C1orf35: variants seen among roughly 807,000 people sequenced by gnomAD.
C1orf35 encodes chromosome 1 open reading frame 35.
C1orf35 carries 36 observed loss-of-function variants against 30.9 expected under a neutral mutation model. The ratio of observed to expected loss-of-function variants is 1.16; its 90% CI spans 0.89 to 1.54. The LOEUF (loss-of-function observed/expected upper bound fraction) is 1.54, where lower values mean the gene tolerates loss of function less well. Ranked by LOEUF, C1orf35 falls within the 40% of genes most tolerant of loss-of-function variation. C1orf35 has a pLI of 0.00. For missense variants in C1orf35, 396 were observed against 358.7 expected, an observed-to-expected ratio of 1.10 and a Z score of -0.84; for synonymous variants, 179 against 148.2, an observed-to-expected ratio of 1.21 and a Z score of -1.51.
At chr1:228,102,854 C>G (rs1383702793) in intron 2 of C1orf35, 45 bp downstream of exon 2, 6 of 1,377,310 alleles carry the variant, frequency 4.4e-6, no homozygotes, top group Middle Eastern at 5.4e-4. Flanking sequence ...CCTGCCCCGG[C>G]AGCGCCGTCC....
At chr1:228,102,058 A>T (rs768806967) in intron 6 of C1orf35, 22 bp downstream of exon 6, 4 of 1,519,154 alleles carry the variant, frequency 2.6e-6, no homozygotes, top group Non-Finnish European at 2.6e-6. Context: ...GGGCACAGCT[A>T]GCCCAGGTGG....
At position 228,101,142 on chromosome 1, in the gene C1orf35, A is replaced by T; in HGVS notation, c.781T>A (p.Ser261Thr). 1.9e-6 allele frequency: 3 copies of T among 1,613,540 alleles called. No individual in the cohort carries two copies. Among genetic ancestry groups the T allele is most frequent in the Non-Finnish European group, 2.5e-6 (3 of 1,180,018 alleles). The change falls in exon 8 of 8, where the codon TCT becomes ACT. Residue 261 changes from serine to threonine, a missense_variant. Coordinates refer to ENST00000272139, the MANE Select transcript of C1orf35 (RefSeq NM_024319.4). ...GCAGGGTCCAGCCATCAGGCCTCAG[A>T]GCCTCTGTCATGCCACCTGCGAGAC... ...SPSRRWHDRGSEA is the reference protein window; with the variant it reads ...SPSRRWHDRGTEA
At chr1:228,101,788 A>T in intron 6 of C1orf35, 1 of 1,409,242 alleles carries the variant, frequency 7.1e-7, no homozygotes. Flanking sequence ...ATCCAGGAGA[A>T]GCCCTGGAGG....
rs1425329911 is a variant in C1orf35, at chr1:228,101,398, C to G, written c.609G>C (p.Lys203Asn). 3.7e-6 allele frequency: 6 copies of G among 1,611,690 alleles called. No individual in the cohort carries two copies. The highest frequency in any genetic ancestry group is 2.2e-5 in the East Asian group (1 of 44,864). The change falls in exon 7 of 8, where the codon AAG becomes AAC. Residue 203 changes from lysine to asparagine, a missense_variant. Transcript: ENST00000272139. ...KKRKHKKEKK[K>N]KDKEHRRPAE... The stretch of plus-strand genomic sequence containing the variant: ...CTGGCCGCCTGTGCTCTTTGTCTTT[C>G]TTCTTCTTCTCTTTCTTGTGTTTCC...
chr1:228,101,987 A>G, intron 6 of C1orf35, 93 bp downstream of exon 6: 1 of 1,431,020 alleles, frequency 7.0e-7, no homozygotes, highest in African/African-American at 1.4e-5. Context: ...CGGTGCGCCA[A>G]GAGAAGCTGC....
chr1:228,101,603 A>G, intron 6 of C1orf35, 130 bp from the exon 7 acceptor site: 2 of 1,513,488 alleles, frequency 1.3e-6, no homozygotes, highest in South Asian at 2.6e-5. Context: ...TCAAACTACA[A>G]ATTCCACTCC....
rs1267966433 is a variant in C1orf35 at position 228,103,191 on chromosome 1, G to A, written c.37C>T (p.Gln13Ter). 3.7e-6 allele frequency: 6 copies of A among 1,611,684 alleles called. No individual in the cohort carries two copies. Among genetic ancestry groups the A allele is most frequent in the Non-Finnish European group, 5.1e-6 (6 of 1,179,492 alleles). Residue 13 changes from glutamine (Q) to a stop codon, truncating the protein, a stop_gained, in exon 1 of 8, where the codon CAG (glutamine) becomes TAG (stop). Transcript: ENST00000272139. LOFTEE classifies it high-confidence loss of function. ...ACGTCCTCCCAGTTGAACTGGTCCT[G>A]CCCGCCGCGCACGCCTCCACGACTG... ...GSSRGGVRGG[Q>*]DQFNWEDVKT...
At chr1:228,101,940 G>A in intron 6 of C1orf35, 140 bp downstream of exon 6, 1 of 1,426,808 alleles carries the variant, frequency 7.0e-7, no homozygotes, top group Non-Finnish European at 9.1e-7. Context: ...GGAGTAACTG[G>A]GACAGGAAGT....
At position 228,100,992 on chromosome 1, in the gene C1orf35, C is replaced by A; in HGVS notation, c.*139G>T. The A allele has an allele frequency of 7.7e-7, 1 of 1,301,432 alleles. No individual in the cohort carries two copies. The highest frequency in any genetic ancestry group is 1.1e-6 in the Non-Finnish European group (1 of 945,822). The allele number at this position is 1,301,432 out of a possible 1,614,324, so 80.6% of individuals were successfully genotyped here. A position where few individuals can be genotyped will look rare whatever the true frequency, so the allele number is the denominator to read the frequency against. On this transcript the variant is annotated 3_prime_UTR_variant, in exon 8 of 8. Coordinates refer to ENST00000272139, the MANE Select transcript of C1orf35 (RefSeq NM_024319.4). ...AGAGCTAGCTGTCAAGTCTTTAGCC[C>A]CACAGGCTGGTGCCCAGAGCCACTT... is the stretch of plus-strand genomic sequence containing the variant.
rs1453652653 is a variant in C1orf35 at position 228,103,141 on chromosome 1, G to C, written c.87C>G (p.Asn29Lys). The change falls in exon 1 of 8, where the codon AAC (asparagine) becomes AAG (lysine). Residue 29 changes from asparagine (N) to lysine (K), a missense_variant. Physicochemically the swap from Asn to Lys is moderately conservative, Grantham distance 94 (BLOSUM62 0). Coordinates refer to ENST00000272139, the MANE Select transcript of C1orf35 (RefSeq NM_024319.4). ...EDVKTDKQRE[N>K]YLGNSLMAPV... ...CCCACCGCGCGCACCCACCCAGGTA[G>C]TTCTCCCGCTGCTTGTCAGTCTTCA... The C allele has an allele frequency of 1.2e-6, 2 of 1,611,174 alleles. No individual in the cohort carries two copies. The highest frequency in any genetic ancestry group is 2.2e-5 in the South Asian group (2 of 90,738).
At chr1:228,102,041 CA>C in intron 6 of C1orf35, 38 bp downstream of exon 6, 1 of 1,495,594 alleles carries the variant, frequency 6.7e-7, no homozygotes, top group Non-Finnish European at 8.9e-7. Context: ...CGAGACCCCC[CA>C]CCCCGGGGCA....
intron 6 of C1orf35, 164 bp downstream of exon 6, chr1:228,101,916 T>C (rs1354577513): frequency 1.4e-6 from 2 of 1,422,016 alleles, no homozygotes; most frequent in African/African-American, 2.9e-5. Flanking sequence ...GAAACTCCCC[T>C]AGAGAAAAAC....
chr1:228,102,067 G>T lies in C1orf35; in HGVS notation c.533+13C>A. ...ACCCCGGGGCACAGCTAGCCCAGGTGGCACAGCCTCACCTGCTTTCCGTCT... is the reference window on the plus strand; with the variant it reads ...ACCCCGGGGCACAGCTAGCCCAGGTTGCACAGCCTCACCTGCTTTCCGTCT... On this transcript the variant is annotated intron_variant, in intron 6 of 7. Coordinates refer to ENST00000272139, the MANE Select transcript of C1orf35 (RefSeq NM_024319.4). 1.9e-6 allele frequency: 3 copies of T among 1,551,844 alleles called. No homozygotes were observed. The South Asian group carries it at 3.6e-5, about 18-fold the overall frequency.
chr1:228,102,654 G>C lies in C1orf35; in HGVS notation c.280C>G (p.Leu94Val). Residue 94 changes from leucine to valine, a missense_variant, in exon 3 of 8, where the codon CTG becomes GTG. Leu to Val is a conservative substitution (Grantham distance 32). Transcript: ENST00000272139. The stretch of plus-strand genomic sequence containing the variant: ...CCCCGGGGAGTTACCTCCTTGCTCA[G>C]GCCCGTGGGCTGCTTCTTCACGTTC... ...YKNVKKQPTG[L>V]SKEDFAEVCK... The C allele has an allele frequency of 6.2e-7, 1 of 1,607,490 alleles. No individual in the cohort carries two copies.
rs1314574135 is a variant in C1orf35, at chr1:228,102,503, G to A, written c.349C>T (p.Arg117Trp). 4 of 1,558,720 alleles carry A rather than the reference G, an allele frequency of 2.6e-6. No individual in the cohort carries two copies. The highest frequency in any genetic ancestry group is 3.5e-6 in the Non-Finnish European group (4 of 1,155,226). The change falls in exon 4 of 8, where the codon CGG (arginine) becomes TGG (tryptophan). Residue 117 changes from arginine (R) to tryptophan (W), a missense_variant. Physicochemically the swap from Arg to Trp is moderately radical, Grantham distance 101 (BLOSUM62 -3). Transcript: ENST00000272139. ...GGDPEEKGVD[R>W]LLGLGSASGS... ...CTTGCGCTCCCCAGCCCCAGCAGCC[G>A]GTCCACGCCCTTCTCCTCGGGGTCG...
chr1:228,102,452 G>A (rs1196989870), intron 4 of C1orf35, 26 bp downstream of exon 4: 2 of 1,567,948 alleles, frequency 1.3e-6, no homozygotes, highest in Admixed American at 1.9e-5. Context: ...GCCCAGTGCT[G>A]CCCTCCCCTG....
At chr1:228,101,754 CTT>C (rs1476632329) in intron 6 of C1orf35, 1 of 1,413,064 alleles carries the variant, frequency 7.1e-7, no homozygotes, top group African/African-American at 1.4e-5. Context: ...CCAGGCCACT[CTT>C]AGGGTCAGGC....
rs2032999523 is a variant in C1orf35 at position 228,102,531 on chromosome 1, T to C, written c.321A>G (p.Gly107=). The stretch of plus-strand genomic sequence containing the variant: ...CCACGCCCTTCTCCTCGGGGTCGCC[T>C]CCTTCCCGCTTGCAGACCTCCGCGA... ...EDFAEVCKRE[G]GDPEEKGVDR... Residue 107 remains glycine, a synonymous_variant, in exon 4 of 8, where the codon GGA becomes GGG. Transcript: ENST00000272139. 3 of 1,556,700 alleles carry C rather than the reference T, an allele frequency of 1.9e-6. No homozygotes were observed. Among genetic ancestry groups the C allele is most frequent in the African/African-American group, 1.4e-5 (1 of 72,814 alleles).
intron 6 of C1orf35, 153 bp from the exon 7 acceptor site, chr1:228,101,626 T>C (rs2032948820): frequency 1.3e-6 from 2 of 1,484,660 alleles, no homozygotes; most frequent in East Asian, 4.6e-5. Context: ...AGTTACGTAG[T>C]CACGTGGCCA....
Sources: gnomAD v4.1 joint callset for allele counts on GRCh38, gnomAD v4.1.1 for gene constraint, MANE v1.5 for transcripts, NCBI Gene and HGNC (gene_info 2026-07-23, HGNC 2026-07-21) for gene names.